Variants in AGR2 observed in about 807,000 individuals in gnomAD.
The protein encoded by AGR2 is anterior gradient 2, protein disulphide isomerase family member.
AGR2 carries 27 observed loss-of-function variants against 25.9 expected under a neutral mutation model. The ratio of observed to expected loss-of-function variants is 1.04; its 90% CI spans 0.77 to 1.44. AGR2 has a LOEUF of 1.44. AGR2 is among the 40% of genes most tolerant of loss of function. The pLI, the probability that AGR2 is intolerant of heterozygous loss-of-function variation, is 0.00. For synonymous variants in AGR2, 78 were observed against 72.0 expected (o/e 1.08, Z -0.42); for missense variants, 182 against 200.9 (o/e 0.91, Z 0.57).
chr7:16,796,436 C>T (rs370638366), intron 6 of AGR2, among the ~76,000 whole-genome samples: 1 of 152,192 alleles, frequency 6.6e-6, no homozygotes, highest in South Asian at 2.1e-4. Context: ...TCTTGTTTTT[C>T]TTTTCCCTGC....
chr7:16,797,595 G>C, intron 6 of AGR2, 36 bp downstream of exon 6: 1 of 1,593,050 alleles, frequency 6.3e-7, no homozygotes, highest in South Asian at 1.1e-5. Flanking sequence ...GCACTAGTAT[G>C]TGTTTCCGAG....
chr7:16,792,534 T>TA lies in AGR2; in HGVS notation c.*373_*374insT. On this transcript the variant is annotated 3_prime_UTR_variant, in exon 8 of 8. Coordinates refer to ENST00000419304, the MANE Select transcript of AGR2 (RefSeq NM_006408.4). The stretch of plus-strand genomic sequence containing the variant: ...GTGTGGTGAGATGATAACTTGGTCT[T>TA]TGGTCTTCATCATTTGAACTAGTTT... 4.9e-6 allele frequency: 1 copy of TA among 204,236 alleles called. No homozygotes were observed. The highest frequency in any genetic ancestry group is 9.9e-6 in the Non-Finnish European group (1 of 100,772). The allele number at this position is 204,236 out of a possible 1,614,324, so 12.7% of individuals were successfully genotyped here. A position where few individuals can be genotyped will look rare whatever the true frequency, so the allele number is the denominator to read the frequency against.
At chr7:16,799,722 T>C in intron 5 of AGR2, 22 bp downstream of exon 5, 1 of 1,570,462 alleles carries the variant, frequency 6.4e-7, no homozygotes, top group Non-Finnish European at 8.7e-7. Flanking sequence ...GAAATGTTAG[T>C]AATGATGAAA....
intron 1 of AGR2, among the ~76,000 whole-genome samples, chr7:16,804,267 TACACACACACACAC>T (rs113991647): frequency 9.3e-6 from 1 of 107,490 alleles, no homozygotes; most frequent in Admixed American, 8.8e-5. Context: ...CAGACATAGG[TACACACACACACAC>T]ACACACACAC....
At chr7:16,799,353 G>T (rs1411973402) in intron 5 of AGR2, among the ~76,000 whole-genome samples, 1 of 152,154 alleles carries the variant, frequency 6.6e-6, no homozygotes, top group East Asian at 1.9e-4. Flanking sequence ...AATGCATGAA[G>T]CTAAAGCACA....
intron 6 of AGR2, among the ~76,000 whole-genome samples, chr7:16,796,131 T>C (rs1386004613): frequency 6.6e-6 from 1 of 152,170 alleles, no homozygotes; most frequent in Non-Finnish European, 1.5e-5. Context: ...GTTTGAGGTG[T>C]GGCCTGGGCA....
rs376132525 is a variant in AGR2 at position 16,797,423 on chromosome 7, A to G, written c.394+208T>C. Among the ~76,000 whole-genome samples, 30 of 152,334 alleles carry G rather than the reference A, an allele frequency of 2.0e-4. No individual in the cohort carries two copies. The East Asian group carries it at 3.5e-3, about 18-fold the overall frequency. ...GATGAAAAGTTACAATTAGCATGTG[A>G]GAAAAGAAAGTGTTGTGTGGAAATA... is the stretch of plus-strand genomic sequence containing the variant. On this transcript the variant is annotated intron_variant, in intron 6 of 7. Coordinates refer to ENST00000419304, the MANE Select transcript of AGR2 (RefSeq NM_006408.4).
chr7:16,800,664 C>A (rs1785126580), intron 4 of AGR2, among the ~76,000 whole-genome samples: 2 of 152,106 alleles, frequency 1.3e-5, no homozygotes, highest in Non-Finnish European at 2.9e-5. Context: ...GGGCTTGGAC[C>A]AGGGCAGTAG....
Position 16,792,670 on chromosome 7 carries a change from TA to T in AGR2, c.*237del. On this transcript the variant is annotated 3_prime_UTR_variant, in exon 8 of 8. Coordinates refer to ENST00000419304, the MANE Select transcript of AGR2 (RefSeq NM_006408.4). ...GAAAACAGAACACCCCCAAAACATTTATTTTTTTTTTTAGAAAATCATGGCT... is the reference window on the plus strand; with the variant it reads ...GAAAACAGAACACCCCCAAAACATTTTTTTTTTTTTTAGAAAATCATGGCT... The T allele has an allele frequency of 2.1e-6, 1 of 480,286 alleles. No homozygotes were observed. The allele number at this position is 480,286 out of a possible 1,614,324, so 29.8% of individuals were successfully genotyped here. A position where few individuals can be genotyped will look rare whatever the true frequency, so the allele number is the denominator to read the frequency against.
At chr7:16,796,668 TC>T (rs66985964) in intron 6 of AGR2, among the ~76,000 whole-genome samples, 6,942 of 152,222 alleles carry the variant, frequency 0.046, 511 homozygotes, top group African/African-American at 0.16. Context: ...ATAGGTACAG[TC>T]CCTGCCATAG....
intron 7 of AGR2, among the ~76,000 whole-genome samples, chr7:16,794,430 T>TCC (rs1408001386): frequency 6.6e-6 from 1 of 151,912 alleles, no homozygotes; most frequent in African/African-American, 2.4e-5. Context: ...TCAGTGTCTC[T>TCC]CTCTCTCTCT....
intron 7 of AGR2, 41 bp downstream of exon 7, chr7:16,794,895 T>G (rs866908750): frequency 1.2e-6 from 2 of 1,613,380 alleles, no homozygotes; most frequent in Non-Finnish European, 1.7e-6. Context: ...AATAGAGGTG[T>G]TCAACTCTTG....
At chr7:16,793,207 C>T (rs570947023) in intron 7 of AGR2, among the ~76,000 whole-genome samples, 1 of 152,214 alleles carries the variant, frequency 6.6e-6, no homozygotes, top group South Asian at 2.1e-4. Flanking sequence ...CTCCACCATG[C>T]CCAGCTAATT....
At chr7:16,798,862 A>C (rs1447919948) in intron 5 of AGR2, among the ~76,000 whole-genome samples, 1 of 152,208 alleles carries the variant, frequency 6.6e-6, no homozygotes, top group Non-Finnish European at 1.5e-5. Flanking sequence ...GCGCAAACCA[A>C]GATGATTAAT....
At chr7:16,796,211 C>T (rs868099035) in intron 6 of AGR2, among the ~76,000 whole-genome samples, 6 of 152,296 alleles carry the variant, frequency 3.9e-5, no homozygotes, top group Admixed American at 2.0e-4. Context: ...GCTAGAAGAG[C>T]AAGCTGCCTT....
chr7:16,801,866 A>C, intron 1 of AGR2, 63 bp from the exon 2 acceptor site: 1 of 1,476,616 alleles, frequency 6.8e-7, no homozygotes, highest in Non-Finnish European at 9.2e-7. Context: ...CAGGGTCTGC[A>C]GGTTGCCCCA....
Position 16,795,017 on chromosome 7 carries a change from G to A in AGR2, c.397C>T (p.Pro133Ser), listed in dbSNP as rs758483087. The change falls in exon 7 of 8, where the codon CCA (proline) becomes TCA (serine). Residue 133 changes from proline to serine, a missense_variant and splice_region_variant. By Grantham distance (74) the Pro-to-Ser change is moderately conservative. Transcript: ENST00000419304. ...ATATCGGCTCTAACTGTCAGAGATG[G>A]GTCTGCAAAGATAAATGAAGCAAAA... ...QYVPRIMFVD[P>S]SLTVRADITG... is the part of the protein sequence containing the mutation. 1 of 1,613,952 alleles carries A rather than the reference G, an allele frequency of 6.2e-7. No individual in the cohort carries two copies. The highest frequency in any genetic ancestry group is 1.3e-5 in the African/African-American group (1 of 74,908).
At chr7:16,793,646 A>G (rs1583803976) in intron 7 of AGR2, among the ~76,000 whole-genome samples, 1 of 152,250 alleles carries the variant, frequency 6.6e-6, no homozygotes, top group Non-Finnish European at 1.5e-5. Flanking sequence ...CAAGTGCTTT[A>G]TGCAGATGAA....
At chr7:16,795,424 C>G (rs1277549019) in intron 6 of AGR2, among the ~76,000 whole-genome samples, 1 of 151,084 alleles carries the variant, frequency 6.6e-6, no homozygotes, top group African/African-American at 2.4e-5. Context: ...CATTGGAAAC[C>G]CACATCCAAT....
Sources: allele counts gnomAD v4.1 joint callset (sites outside exome capture counted in the v4.1 genomes callset), GRCh38; gene constraint gnomAD v4.1.1; transcripts MANE v1.5; gene names NCBI Gene and HGNC (gene_info 2026-07-23, HGNC 2026-07-21).